Variants in DHRS4L2 observed in about 807,000 individuals in gnomAD.
DHRS4L2 encodes dehydrogenase/reductase SDR family member 4-like 2.
In DHRS4L2, 22 loss-of-function variants were observed where a neutral mutation model predicts 23.9. The ratio of observed to expected loss-of-function variants is 0.92; its 90% CI spans 0.66 to 1.31. The LOEUF is 1.31. DHRS4L2 is among the 40% of genes most tolerant of loss of function. The probability of loss-of-function intolerance (pLI) is 0.00; values close to 1 mark genes in which losing one functional copy is unlikely to be tolerated. For missense variants in DHRS4L2, 385 were observed against 303.3 expected, an observed-to-expected ratio of 1.27 and a Z score of -2.00; for synonymous variants, 141 against 123.7, an observed-to-expected ratio of 1.14 and a Z score of -0.93.
upstream of DHRS4L2, chr14:23,987,182 G>A (rs1403514254): frequency 6.0e-6 from 2 of 332,354 alleles, no homozygotes; most frequent in South Asian, 4.3e-5. Flanking sequence ...TCAGGTTGGA[G>A]TGCAGTGGCG....
At chr14:23,972,136 T>C (rs2033870181) in intron 1 of DHRS4L2, among the ~76,000 whole-genome samples, 1 of 152,008 alleles carries the variant, frequency 6.6e-6, no homozygotes, top group Non-Finnish European at 1.5e-5. Flanking sequence ...TGTCTGGAAT[T>C]GGTGGGTTCT....
At chr14:23,986,079 A>C (rs1332669137), upstream of DHRS4L2, among the ~76,000 whole-genome samples, 1 of 150,726 alleles carries the variant, frequency 6.6e-6, no homozygotes, top group East Asian at 1.9e-4. Context: ...CTGGTCTCAA[A>C]CTCCTGACCT....
chr14:23,981,811 G>A (rs1438802967), intron 1 of DHRS4L2, among the ~76,000 whole-genome samples: 1 of 151,778 alleles, frequency 6.6e-6, no homozygotes, highest in Non-Finnish European at 1.5e-5. Flanking sequence ...ATGCCTGGAT[G>A]TGCATGTAGG....
chr14:23,970,358 C>T lies in DHRS4L2; in HGVS notation c.-176+26C>T, dbSNP rs538134020. Reference sequence around the variant, plus strand: ...GTAGGGTGGAGAGGGCGGTGGGGGGCGGGGGGCCGAAACTGCATCAGTTAA... The same window carrying T: ...GTAGGGTGGAGAGGGCGGTGGGGGGTGGGGGGCCGAAACTGCATCAGTTAA... On this transcript the variant is annotated intron_variant, in intron 1 of 5. Coordinates refer to the DHRS4L2 transcript ENST00000534993. 2.3e-5 allele frequency: 8 copies of T among 348,182 alleles called. 1 individual carries two copies. Among genetic ancestry groups the T allele is most frequent in the African/African-American group, 8.8e-5 (3 of 34,104 alleles). 21.6% of individuals were successfully genotyped at this position (348,182 alleles called of 1,614,324 possible).
chr14:23,976,862 C>T lies in DHRS4L2; in HGVS notation c.-176+6530C>T, dbSNP rs184435902. 7.2e-4 allele frequency among the ~76,000 whole-genome samples: 109 copies of T among 151,796 alleles called. 2 individuals are homozygous for T. The highest frequency in any genetic ancestry group is 2.6e-3 in the African/African-American group (107 of 41,374). ...AGCAAAATATCACAAGGACAGAAAA[C>T]CAAACGCTGCATCTTCTCACTCATA... On this transcript the variant is annotated intron_variant, in intron 1 of 5. Coordinates refer to the DHRS4L2 transcript ENST00000534993.
At chr14:23,986,438 C>T (rs112907500), upstream of DHRS4L2, among the ~76,000 whole-genome samples, 1,092 of 150,442 alleles carry the variant, frequency 7.3e-3, 20 homozygotes, top group Middle Eastern at 0.021. Flanking sequence ...AGCACACCAA[C>T]ATGGCACATG....
chr14:24,001,215 C>T, intron 5 of DHRS4L2, 131 bp downstream of exon 5: 1 of 1,582,458 alleles, frequency 6.3e-7, no homozygotes, highest in Non-Finnish European at 8.6e-7. Flanking sequence ...AAAATAGATG[C>T]CTTGCCTCCA....
chr14:23,996,603 G>C (rs560236801), intron 3 of DHRS4L2, among the ~76,000 whole-genome samples: 2 of 149,612 alleles, frequency 1.3e-5, no homozygotes, highest in South Asian at 4.4e-4. Context: ...TTTAAGTTTG[G>C]CTTCTTTCTT....
chr14:23,992,464 A>T (rs1227296572), intron 2 of DHRS4L2, among the ~76,000 whole-genome samples: 1 of 151,502 alleles, frequency 6.6e-6, no homozygotes, highest in African/African-American at 2.4e-5. Context: ...GTTACCCTGC[A>T]ATAAGAAAAG....
chr14:23,985,927 C>T (rs948151607), upstream of DHRS4L2, among the ~76,000 whole-genome samples: 2 of 151,554 alleles, frequency 1.3e-5, no homozygotes, highest in African/African-American at 4.8e-5. Context: ...TGGTCTTGAA[C>T]TCTTGACCAT....
chr14:23,993,501 C>T (rs2034311451), intron 2 of DHRS4L2, among the ~76,000 whole-genome samples: 1 of 151,568 alleles, frequency 6.6e-6, no homozygotes, highest in African/African-American at 2.4e-5. Context: ...ACCAAGGGCC[C>T]ACATACTGCA....
chr14:23,995,960 C>G (rs938236823), intron 3 of DHRS4L2, among the ~76,000 whole-genome samples: 1 of 151,858 alleles, frequency 6.6e-6, no homozygotes, highest in Middle Eastern at 3.4e-3. Context: ...TTTTGGCTTA[C>G]GATACTGCAG....
At chr14:23,992,722 GT>G (rs1484490084) in intron 2 of DHRS4L2, among the ~76,000 whole-genome samples, 2 of 150,896 alleles carry the variant, frequency 1.3e-5, no homozygotes, top group African/African-American at 4.9e-5. Context: ...GCCTCATTCT[GT>G]TGCCCAGGCT....
chr14:23,972,692 C>T lies in DHRS4L2; in HGVS notation c.-176+2360C>T, dbSNP rs558305501. Reference sequence around the variant, plus strand: ...AGAAACAACAGTGAGTCCAGGGGACCGGCGCTCAGCATACCAAGGACCTGC... The same window carrying T: ...AGAAACAACAGTGAGTCCAGGGGACTGGCGCTCAGCATACCAAGGACCTGC... On this transcript the variant is annotated intron_variant, in intron 1 of 5. Coordinates refer to the DHRS4L2 transcript ENST00000534993. 8.6e-4 allele frequency among the ~76,000 whole-genome samples: 130 copies of T among 151,974 alleles called. 1 individual carries two copies. Among genetic ancestry groups the T allele is most frequent in the Middle Eastern group, 3.4e-3 (1 of 294 alleles).
chr14:23,977,949 A>G (rs1471487455), intron 1 of DHRS4L2, among the ~76,000 whole-genome samples: 3 of 151,608 alleles, frequency 2.0e-5, no homozygotes, highest in Non-Finnish European at 4.4e-5. Context: ...TAATTTTGCT[A>G]AACACTCCTC....
At chr14:23,974,486 C>A (rs533772356) in intron 1 of DHRS4L2, among the ~76,000 whole-genome samples, 1 of 147,240 alleles carries the variant, frequency 6.8e-6, no homozygotes, top group African/African-American at 2.5e-5. Flanking sequence ...AAAAGATCAA[C>A]AAAATGGACT....
intron 3 of DHRS4L2, 56 bp downstream of exon 3, chr14:23,995,189 C>G (rs2034356050): frequency 1.3e-6 from 2 of 1,580,522 alleles, no homozygotes; most frequent in African/African-American, 2.7e-5. Flanking sequence ...TCAGCACAAA[C>G]TCCATCTGCT....
intron 2 of DHRS4L2, among the ~76,000 whole-genome samples, chr14:23,992,267 G>A (rs1054673945): frequency 1.5e-4 from 22 of 151,418 alleles, no homozygotes; most frequent in Admixed American, 5.9e-4. Flanking sequence ...CAGTGGCGGC[G>A]GGACTGGAAT....
At chr14:23,982,875 G>T (rs371993227) in intron 1 of DHRS4L2, among the ~76,000 whole-genome samples, 1 of 151,284 alleles carries the variant, frequency 6.6e-6, no homozygotes, top group African/African-American at 2.4e-5. Context: ...ATTAAGTTGG[G>T]TTTAATTAAG....
Sources: gnomAD v4.1 joint callset for allele counts (sites outside exome capture counted in the v4.1 genomes callset) on GRCh38, gnomAD v4.1.1 for gene constraint, MANE v1.5 for transcripts, NCBI Gene and HGNC (gene_info 2026-07-23, HGNC 2026-07-21) for gene names.